PARD3B: variants seen among roughly 807,000 people sequenced by gnomAD.
PARD3B encodes partitioning defective 3 homolog B.
Under a neutral mutation model 130.2 loss-of-function variants are expected in PARD3B, and 103 were observed. The observed-to-expected ratio is 0.79, with a 90% CI of 0.67 to 0.93. The LOEUF (loss-of-function observed/expected upper bound fraction) is 0.93. PARD3B is among the 40% of genes least tolerant of loss of function. The probability of loss-of-function intolerance (pLI) is 0.00; values close to 1 mark genes in which losing one functional copy is unlikely to be tolerated. For synonymous variants in PARD3B, 583 were observed against 553.2 expected, an observed-to-expected ratio of 1.05 and a Z score of -0.76; for missense variants, 1,609 against 1,499.2, an observed-to-expected ratio of 1.07 and a Z score of -1.21.
rs140551360 is a variant in PARD3B, at chr2:205,229,481, C to T, written c.2141-16297C>T. 3.9e-4 allele frequency among the ~76,000 whole-genome samples: 60 copies of T among 152,302 alleles called. 1 individual carries two copies. The East Asian group carries it at 0.011, about 27-fold the overall frequency. Reference sequence around the variant, plus strand: ...GAAATTACCAGGTAGTGACTCTGCTCTCTTCCCTTATTTTCCCCCAAACAC... The same window carrying T: ...GAAATTACCAGGTAGTGACTCTGCTTTCTTCCCTTATTTTCCCCCAAACAC... On this transcript the variant is annotated intron_variant, in intron 15 of 22. Transcript: ENST00000406610. This position sits in a 1 kb window ranked among gnomAD's most constrained non-coding sequence, Gnocchi z 5.2.
chr2:205,254,963 C>T (rs2040015803), intron 16 of PARD3B, among the ~76,000 whole-genome samples: 1 of 152,014 alleles, frequency 6.6e-6, no homozygotes, highest in Non-Finnish European at 1.5e-5. Context: ...CGCGCCCGGC[C>T]GAAGTTCAGT....
chr2:205,136,217 C>A (rs1183762655), intron 10 of PARD3B, among the ~76,000 whole-genome samples: 2 of 152,172 alleles, frequency 1.3e-5, no homozygotes, highest in Non-Finnish European at 2.9e-5. Context: ...TATATTTCTT[C>A]TTTCTCCCCT....
chr2:205,412,319 G>A (rs532297967), intron 19 of PARD3B, among the ~76,000 whole-genome samples: 2 of 152,262 alleles, frequency 1.3e-5, no homozygotes, highest in East Asian at 3.9e-4. Flanking sequence ...GCACAGAAGT[G>A]GCACAGAAGC....
intron 15 of PARD3B, among the ~76,000 whole-genome samples, chr2:205,216,645 G>A (rs1051445594): frequency 2.6e-5 from 4 of 152,050 alleles, no homozygotes; most frequent in Non-Finnish European, 5.9e-5. Flanking sequence ...TGCTTACTTC[G>A]TATCATTGAG....
At chr2:204,638,160 T>C (rs992177133) in intron 1 of PARD3B, among the ~76,000 whole-genome samples, 4 of 152,194 alleles carry the variant, frequency 2.6e-5, no homozygotes, top group Admixed American at 1.3e-4. Context: ...TCTCCAGATT[T>C]ATAAAGAATG....
At chr2:204,868,678 C>A (rs1487223532) in intron 2 of PARD3B, among the ~76,000 whole-genome samples, 1 of 152,164 alleles carries the variant, frequency 6.6e-6, no homozygotes, top group Non-Finnish European at 1.5e-5. Context: ...ATCAATATCA[C>A]TTTTTACTGT....
rs144709791 is a variant in PARD3B at position 204,559,637 on chromosome 2, T to C, written c.120+13518T>C. Among the ~76,000 whole-genome samples the C allele has an allele frequency of 6.6e-3, 1,001 of 152,334 alleles. 6 individuals are homozygous for C. The highest frequency in any genetic ancestry group is 9.4e-3 in the Non-Finnish European group (638 of 68,026). ...TTTTGGAAGACAGTGTGGCAATTCC[T>C]CAAGGATCTAGAGCTAGAAATATCA... On this transcript the variant is annotated intron_variant, in intron 1 of 22. Coordinates refer to ENST00000406610, the MANE Select transcript of PARD3B (RefSeq NM_001302769.2).
intron 2 of PARD3B, among the ~76,000 whole-genome samples, chr2:204,830,080 C>T (rs559654390): frequency 1.3e-5 from 2 of 151,108 alleles, no homozygotes; most frequent in South Asian, 4.2e-4. Flanking sequence ...TGAAGAAGTG[C>T]TTCCTTCCTC....
intron 2 of PARD3B, among the ~76,000 whole-genome samples, chr2:204,711,750 G>A (rs773756336): frequency 6.6e-6 from 1 of 152,062 alleles, no homozygotes; most frequent in Admixed American, 6.5e-5. Flanking sequence ...GTTTCGCCAT[G>A]TTGACCAGGC....
chr2:204,857,898 C>G (rs1273813946), intron 2 of PARD3B, among the ~76,000 whole-genome samples: 2 of 152,122 alleles, frequency 1.3e-5, no homozygotes, highest in African/African-American at 4.8e-5. Context: ...AAGAGCTCAT[C>G]CCAAGACAAA....
At chr2:204,777,877 A>G (rs930783727) in intron 2 of PARD3B, among the ~76,000 whole-genome samples, 2 of 152,104 alleles carry the variant, frequency 1.3e-5, no homozygotes, top group Non-Finnish European at 2.9e-5. Flanking sequence ...TGATTGGATC[A>G]AGAGGGTGGT....
At chr2:204,815,768 A>G (rs146571098) in intron 2 of PARD3B, among the ~76,000 whole-genome samples, 1 of 151,950 alleles carries the variant, frequency 6.6e-6, no homozygotes, top group African/African-American at 2.4e-5. Context: ...TGATTTCTTC[A>G]TTGACCCTGA....
chr2:204,929,098 C>T (rs1008119276), intron 2 of PARD3B, among the ~76,000 whole-genome samples: 1 of 148,550 alleles, frequency 6.7e-6, no homozygotes. Context: ...AACCAGAATA[C>T]TTTTTTTTTT....
At chr2:205,215,329 T>A (rs971247766) in intron 15 of PARD3B, among the ~76,000 whole-genome samples, 2 of 151,882 alleles carry the variant, frequency 1.3e-5, no homozygotes, top group Non-Finnish European at 1.5e-5. Flanking sequence ...GATTTGGAAA[T>A]GCCAACATTC....
intron 2 of PARD3B, among the ~76,000 whole-genome samples, chr2:204,915,549 G>T (rs1575294147): frequency 1.3e-5 from 2 of 151,972 alleles, no homozygotes; most frequent in East Asian, 3.9e-4. Flanking sequence ...AGTTATATGT[G>T]ACAAAATACC....
At position 205,611,350 on chromosome 2, in the gene PARD3B, G is replaced by A. The variant is rs148284592; in HGVS notation, c.3261-4106G>A. ...GTAGGAAGATGTCTTTCATCCTTGC[G>A]TAAACTGAAGGTAGTCAGCACCCAG... On this transcript the variant is annotated intron_variant, in intron 22 of 22. Coordinates refer to ENST00000406610, the MANE Select transcript of PARD3B (RefSeq NM_001302769.2). Among the ~76,000 whole-genome samples, 526 of 152,150 alleles carry A rather than the reference G, an allele frequency of 3.5e-3. 2 individuals are homozygous for A. Among genetic ancestry groups the A allele is most frequent in the African/African-American group, 0.012 (499 of 41,516 alleles).
At chr2:204,953,420 CAGAGAGAGAGAGAGAGAGAGAGAG>C (rs138644226) in intron 2 of PARD3B, among the ~76,000 whole-genome samples, 5 of 123,236 alleles carry the variant, frequency 4.1e-5, no homozygotes, top group Admixed American at 1.6e-4. Flanking sequence ...TACACACACA[CAGAGAGAGAGAGAGAGAGAGAGAG>C]AGAGAGAGAG....
chr2:205,439,542 T>G (rs2047638782), intron 19 of PARD3B, among the ~76,000 whole-genome samples: 1 of 152,208 alleles, frequency 6.6e-6, no homozygotes, highest in Admixed American at 6.5e-5. Context: ...TGTCAAATTC[T>G]CAAAATTCAG....
At chr2:205,117,034 G>A (rs1372149836) in intron 6 of PARD3B, among the ~76,000 whole-genome samples, 2 of 152,078 alleles carry the variant, frequency 1.3e-5, no homozygotes, top group African/African-American at 4.8e-5. Context: ...ATTAAAGGAA[G>A]ACTTGAATGC....
Sources: allele counts gnomAD v4.1 joint callset (sites outside exome capture counted in the v4.1 genomes callset), GRCh38; gene constraint gnomAD v4.1.1; non-coding constraint Gnocchi (gnomAD v3.1); transcripts MANE v1.5; gene names NCBI Gene and HGNC (gene_info 2026-07-23, HGNC 2026-07-21).